Variants in USP13 observed in about 807,000 individuals in gnomAD.
The protein encoded by USP13 is ubiquitin specific peptidase 13.
Under a neutral mutation model 107.8 loss-of-function variants are expected in USP13, and 68 were observed. The ratio of observed to expected loss-of-function variants is 0.63; its 90% CI spans 0.52 to 0.77. The LOEUF (loss-of-function observed/expected upper bound fraction) is 0.77, where lower values mean the gene tolerates loss of function less well. Ranked by LOEUF, USP13 falls within the 30% of genes least tolerant of loss-of-function variation. USP13 has a pLI of 0.00. For synonymous variants in USP13, 377 were observed against 389.5 expected, an observed-to-expected ratio of 0.97 and a Z score of 0.38; for missense variants, 945 against 1,093.3, an observed-to-expected ratio of 0.86 and a Z score of 1.91.
intron 1 of USP13, among the ~76,000 whole-genome samples, chr3:179,659,297 C>A (rs1292750942): frequency 6.6e-6 from 1 of 152,156 alleles, no homozygotes; most frequent in Non-Finnish European, 1.5e-5. Context: ...CTTTCTTCCA[C>A]AAGTATTTAG....
At chr3:179,671,513 T>C (rs1720749075) in intron 1 of USP13, among the ~76,000 whole-genome samples, 1 of 152,176 alleles carries the variant, frequency 6.6e-6, no homozygotes, top group Non-Finnish European at 1.5e-5. Flanking sequence ...AGAGTGTGCA[T>C]GTCATGTATA....
At chr3:179,743,926 GTTTT>G (rs35286740) in intron 12 of USP13, among the ~76,000 whole-genome samples, 3 of 126,254 alleles carry the variant, frequency 2.4e-5, no homozygotes, top group African/African-American at 9.0e-5. Flanking sequence ...TAAATAAGGA[GTTTT>G]TTTTTTTTTT....
intron 19 of USP13, among the ~76,000 whole-genome samples, chr3:179,776,555 G>A (rs2108551643): frequency 6.6e-6 from 1 of 152,078 alleles, no homozygotes; most frequent in East Asian, 1.9e-4. Flanking sequence ...GTTCAAAAAG[G>A]ACAAGTTTTG....
chr3:179,700,590 C>A (rs1712481954), intron 3 of USP13, among the ~76,000 whole-genome samples: 1 of 151,870 alleles, frequency 6.6e-6, no homozygotes, highest in East Asian at 1.9e-4. Context: ...CAAAAAAAAA[C>A]CCCAAGAAAC....
chr3:179,669,920 C>T (rs796874607), intron 1 of USP13, among the ~76,000 whole-genome samples: 54 of 152,258 alleles, frequency 3.5e-4, no homozygotes, highest in African/African-American at 1.2e-3. Flanking sequence ...TTAGAAGCCT[C>T]CAGTGGCTTT....
In USP13 at chr3:179,764,183, CTGTG is replaced by C. The variant is rs3222346; in HGVS notation, c.2259+44_2259+47del. Reference sequence around the variant, plus strand: ...TACGAGCAACGGTGAGCATGAGAGACTGTGTGTGTGTGTGTGTGTGTGTGTGTGT... The same window carrying C: ...TACGAGCAACGGTGAGCATGAGAGACTGTGTGTGTGTGTGTGTGTGTGTGT... On this transcript the variant is annotated intron_variant, in intron 18 of 20. Coordinates refer to ENST00000263966, the MANE Select transcript of USP13 (RefSeq NM_003940.3). 110,708 of 1,183,930 alleles carry C rather than the reference CTGTG, an allele frequency of 0.094. 803 individuals are homozygous for C. Among genetic ancestry groups the C allele is most frequent in the African/African-American group, 0.19 (12,655 of 65,506 alleles). The allele number at this position is 1,183,930 out of a possible 1,614,324, so 73.3% of individuals were successfully genotyped here. A position where few individuals can be genotyped will look rare whatever the true frequency, so the allele number is the denominator to read the frequency against.
intron 15 of USP13, among the ~76,000 whole-genome samples, chr3:179,755,586 C>T (rs945102692): frequency 1.3e-5 from 2 of 152,218 alleles, no homozygotes; most frequent in African/African-American, 2.4e-5. Flanking sequence ...GCGTGAGCCA[C>T]TGTGCCCAGC....
chr3:179,696,140 C>A (rs556078197), intron 3 of USP13, among the ~76,000 whole-genome samples: 2 of 152,088 alleles, frequency 1.3e-5, no homozygotes, highest in Non-Finnish European at 2.9e-5. Context: ...GTGGCTGATC[C>A]GATTCAGGGA....
At chr3:179,689,670 C>T (rs553387396) in intron 2 of USP13, among the ~76,000 whole-genome samples, 5 of 148,026 alleles carry the variant, frequency 3.4e-5, no homozygotes, top group African/African-American at 1.2e-4. Context: ...AAAAAAAAGC[C>T]AAAAAAAAAG....
chr3:179,696,821 A>C (rs998394513), intron 3 of USP13, among the ~76,000 whole-genome samples: 1 of 152,138 alleles, frequency 6.6e-6, no homozygotes, highest in South Asian at 2.1e-4. Context: ...AGAAGCGAGG[A>C]GGTAAGGGAG....
chr3:179,758,787 C>T (rs1012395178), intron 16 of USP13, among the ~76,000 whole-genome samples: 6 of 152,122 alleles, frequency 3.9e-5, no homozygotes, highest in South Asian at 4.2e-4. Context: ...CGTGAGCCAC[C>T]GCGCCCGGCC....
chr3:179,751,386 C>G (rs1002881875), intron 13 of USP13, among the ~76,000 whole-genome samples: 2 of 152,108 alleles, frequency 1.3e-5, no homozygotes, highest in Admixed American at 1.3e-4. Context: ...ATCCATGTGG[C>G]CATGGATTAA....
Position 179,742,559 on chromosome 3 carries a change from C to T in USP13, c.1534+209C>T, listed in dbSNP as rs980004399. ...AAATGCATCACAGGTTTTATGGAGG[C>T]GTTATGGTTGGAACCTACGTCACTG... On this transcript the variant is annotated intron_variant, in intron 12 of 20. Transcript: ENST00000263966. The surrounding 1 kb of genome is among the most constrained non-coding windows in gnomAD (Gnocchi z 5.0). Among the ~76,000 whole-genome samples the T allele has an allele frequency of 2.0e-5, 3 of 152,088 alleles. No homozygotes were observed. Among genetic ancestry groups the T allele is most frequent in the South Asian group, 2.1e-4 (1 of 4,824 alleles).
At chr3:179,738,798 A>C (rs741430) in intron 10 of USP13, among the ~76,000 whole-genome samples, 29,654 of 152,200 alleles carry the variant, frequency 0.19, 3,054 homozygotes, top group Admixed American at 0.25. Flanking sequence ...AGAAAACAGC[A>C]GTGCTGAAGC....
chr3:179,782,524 G>T (rs191103828), intron 20 of USP13, among the ~76,000 whole-genome samples: 1 of 152,226 alleles, frequency 6.6e-6, no homozygotes, highest in East Asian at 1.9e-4. Context: ...ACCTACTGGT[G>T]CCCTTCCTGC....
At chr3:179,737,884 T>C (rs1714048954) in intron 10 of USP13, among the ~76,000 whole-genome samples, 1 of 152,210 alleles carries the variant, frequency 6.6e-6, no homozygotes, top group African/African-American at 2.4e-5. Flanking sequence ...AGTCACTAAA[T>C]ACTAAATGCC....
rs1715944047 is a variant in USP13 at position 179,787,516 on chromosome 3, A to G, written c.*3375A>G. The G allele has an allele frequency of 6.6e-6, 1 of 152,208 alleles. No individual in the cohort carries two copies. The highest frequency in any genetic ancestry group is 1.5e-5 in the Non-Finnish European group (1 of 68,052). The allele number at this position is 152,208 out of a possible 1,614,324, so 9.4% of individuals were successfully genotyped here. A position where few individuals can be genotyped will look rare whatever the true frequency, so the allele number is the denominator to read the frequency against. On this transcript the variant is annotated 3_prime_UTR_variant, in exon 21 of 21. Transcript: ENST00000263966. ...TGCATTGTTACAGCTTATACTCCCC[A>G]GTTGAGGACCTGTGTCATTCTTAGT...
At chr3:179,765,926 T>A (rs1715160349) in intron 19 of USP13, 78 bp downstream of exon 19, 8 of 1,466,362 alleles carry the variant, frequency 5.5e-6, no homozygotes, top group Non-Finnish European at 6.4e-6. Flanking sequence ...CACCACAACA[T>A]AGTCAAGCCT....
At position 179,708,951 on chromosome 3, in the gene USP13, G is replaced by C; in HGVS notation, c.799G>C (p.Gly267Arg). The C allele has an allele frequency of 6.2e-7, 1 of 1,613,662 alleles. No individual in the cohort carries two copies. ...AVKLGTITPD[G>R]ADVYSFQEEE... is the part of the protein sequence containing the mutation. ...GAAACTGGGAACCATCACTCCTGACGGGGCAGGTGAGTGCGCCTTTACCGA... is the reference window on the plus strand; with the variant it reads ...GAAACTGGGAACCATCACTCCTGACCGGGCAGGTGAGTGCGCCTTTACCGA... The change falls in exon 6 of 21, where the codon GGG becomes CGG. Residue 267 changes from glycine to arginine, a missense_variant. Transcript: ENST00000263966.
Sources: gnomAD v4.1 joint callset for allele counts (sites outside exome capture counted in the v4.1 genomes callset) on GRCh38, gnomAD v4.1.1 for gene constraint, Gnocchi (gnomAD v3.1) non-coding constraint, MANE v1.5 for transcripts, NCBI Gene and HGNC (gene_info 2026-07-23, HGNC 2026-07-21) for gene names.